Variants in ATG7 observed in about 807,000 individuals in gnomAD.
ATG7 encodes ubiquitin-like modifier-activating enzyme ATG7.
A neutral mutation model predicts 82.4 loss-of-function variants in ATG7; 70 were observed. That is an observed-to-expected ratio of 0.85 (90% confidence interval 0.70 to 1.04). The LOEUF (loss-of-function observed/expected upper bound fraction) is 1.04, where lower values mean the gene tolerates loss of function less well. Among genes scored for constraint, ATG7 ranks in the 50% least tolerant of loss-of-function variants. The pLI, the probability that ATG7 is intolerant of heterozygous loss-of-function variation, is 0.00. For missense variants in ATG7, 792 were observed against 864.3 expected (o/e 0.92, Z 1.05); for synonymous variants, 287 against 313.0 (o/e 0.92, Z 0.88).
At chr3:11,573,237 AAGAAATAG>A in the ATG7 span, among the ~76,000 whole-genome samples, 106 of 109,534 alleles carry the variant, frequency 9.7e-4, 8 homozygotes, top group Admixed American at 7.0e-3. Flanking sequence ...ACAGAAAGAA[AAGAAATAG>A]AGAAAGAAAG....
At chr3:11,417,797 ATTATTTTATTTTATT>A in intron 19 of ATG7, among the ~76,000 whole-genome samples, 1 of 43,132 alleles carries the variant, frequency 2.3e-5, no homozygotes, top group Non-Finnish European at 4.8e-5. Context: ...TATTATTATT[ATTATTTTATTTTATT>A]TTATTTTTTT....
At chr3:11,513,389 C>T (rs547150951) in intron 20 of ATG7, among the ~76,000 whole-genome samples, 11 of 152,324 alleles carry the variant, frequency 7.2e-5, no homozygotes, top group East Asian at 3.9e-4. Flanking sequence ...CCCTGCCCCG[C>T]GGGGAGGCAG....
chr3:11,326,950 GA>G (rs1950969220), intron 9 of ATG7, among the ~76,000 whole-genome samples: 1 of 152,218 alleles, frequency 6.6e-6, no homozygotes, highest in Non-Finnish European at 1.5e-5. Flanking sequence ...AGGAAAGAAG[GA>G]AGGAAAAGGA....
At chr3:11,564,958 C>T in the ATG7 span, 1 of 1,559,680 alleles carries the variant, frequency 6.4e-7, no homozygotes, top group Non-Finnish European at 8.7e-7. Context: ...ACAGCGCGCT[C>T]GATGGGGCTG....
intron 20 of ATG7, among the ~76,000 whole-genome samples, chr3:11,519,954 AT>A (rs1212913810): frequency 6.6e-6 from 1 of 151,972 alleles, no homozygotes; most frequent in East Asian, 1.9e-4. Context: ...ATAATGACAG[AT>A]TTTTTGGGAT....
chr3:11,372,175 G>T (rs2077044633), intron 18 of ATG7, among the ~76,000 whole-genome samples: 1 of 151,332 alleles, frequency 6.6e-6, no homozygotes, highest in South Asian at 2.1e-4. Flanking sequence ...GGGCCTGGGG[G>T]TGATGAGTGG....
intron 20 of ATG7, among the ~76,000 whole-genome samples, chr3:11,477,730 A>T (rs1672645931): frequency 6.6e-6 from 1 of 152,214 alleles, no homozygotes; most frequent in South Asian, 2.1e-4. Context: ...TACTCATAGG[A>T]TTACAGGAAG....
chr3:11,555,021 C>G lies in ATG7; in HGVS notation c.*178C>G, dbSNP rs2072269548. The G allele has an allele frequency of 1.4e-6, 1 of 707,082 alleles. No individual in the cohort carries two copies. The highest frequency in any genetic ancestry group is 1.8e-5 in the African/African-American group (1 of 55,102). 43.8% of individuals were successfully genotyped at this position (707,082 alleles called of 1,614,324 possible). A position where few individuals can be genotyped will look rare whatever the true frequency, so the allele number is the denominator to read the frequency against. ...CCAGTGTTCGGCGTTGCTCGGGATT[C>G]AAGATACCACCAGTTCAGAGCTAAA... is the stretch of plus-strand genomic sequence containing the variant. On this transcript the variant is annotated 3_prime_UTR_variant, in exon 21 of 21. Coordinates refer to ENST00000693202, the MANE Select transcript of ATG7 (RefSeq NM_001349232.2).
chr3:11,401,469 A>G (rs71316478), intron 19 of ATG7, among the ~76,000 whole-genome samples: 1,953 of 152,326 alleles, frequency 0.013, 19 homozygotes, highest in Non-Finnish European at 0.021. Flanking sequence ...TGAGATTCGT[A>G]TATAACAGCA....
At chr3:11,313,522 C>T (rs1219359712) in intron 8 of ATG7, 102 bp downstream of exon 8, 14 of 762,010 alleles carry the variant, frequency 1.8e-5, no homozygotes, top group Admixed American at 2.9e-5. Flanking sequence ...TGGATGAAGA[C>T]GTGGTAACTG....
chr3:11,343,542 T>C (rs1954001367), intron 13 of ATG7, among the ~76,000 whole-genome samples: 1 of 152,174 alleles, frequency 6.6e-6, no homozygotes, highest in Non-Finnish European at 1.5e-5. Flanking sequence ...ATCTAAGGTG[T>C]CTTTAGCCAT....
intron 20 of ATG7, among the ~76,000 whole-genome samples, chr3:11,516,199 A>C (rs1559786820): frequency 6.6e-6 from 1 of 152,172 alleles, no homozygotes; most frequent in Non-Finnish European, 1.5e-5. Flanking sequence ...ACACATGAAA[A>C]GATGTTCCAA....
intron 19 of ATG7, among the ~76,000 whole-genome samples, chr3:11,419,418 G>A (rs1439684969): frequency 6.6e-6 from 1 of 152,166 alleles, no homozygotes; most frequent in Non-Finnish European, 1.5e-5. Flanking sequence ...GCCAGGAATG[G>A]TGGTGTGCGC....
At chr3:11,538,080 T>G (rs996064507) in intron 20 of ATG7, among the ~76,000 whole-genome samples, 2 of 149,634 alleles carry the variant, frequency 1.3e-5, no homozygotes, top group Admixed American at 1.3e-4. Flanking sequence ...CTAGGAGATA[T>G]GTGGACCCCA....
chr3:11,527,067 G>GTATATATA (rs1157835767), intron 20 of ATG7, among the ~76,000 whole-genome samples: 3 of 95,292 alleles, frequency 3.1e-5, no homozygotes, highest in East Asian at 3.1e-4. Context: ...GTGTGTGTGT[G>GTATATATA]TGTGTATATA....
Position 11,554,846 on chromosome 3 carries a change from T to C in ATG7, c.*3T>C. 2.5e-6 allele frequency: 4 copies of C among 1,612,798 alleles called. No homozygotes were observed. Among genetic ancestry groups the C allele is most frequent in the Non-Finnish European group, 3.4e-6 (4 of 1,179,646 alleles). On this transcript the variant is annotated 3_prime_UTR_variant, in exon 21 of 21. Coordinates refer to ENST00000693202, the MANE Select transcript of ATG7 (RefSeq NM_001349232.2). The stretch of plus-strand genomic sequence containing the variant: ...TGAGCGATGATGAGACCATCTGAGA[T>C]GGCCCCGCTGTGGGGCTGACTTCTC...
chr3:11,540,916 G>C (rs1224993050), intron 20 of ATG7, among the ~76,000 whole-genome samples: 1 of 119,880 alleles, frequency 8.3e-6, no homozygotes, highest in African/African-American at 3.4e-5. Context: ...TTGGGGGGGG[G>C]AGGGGGGGAG....
intron 20 of ATG7, among the ~76,000 whole-genome samples, chr3:11,443,223 A>G (rs1294311824): frequency 6.6e-6 from 1 of 152,152 alleles, no homozygotes; most frequent in African/African-American, 2.4e-5. Context: ...TTGTTCAGCA[A>G]TGCCTGTCTA....
chr3:11,307,302 A>C (rs919603610), intron 6 of ATG7, among the ~76,000 whole-genome samples: 2 of 152,226 alleles, frequency 1.3e-5, no homozygotes, highest in Non-Finnish European at 2.9e-5. Flanking sequence ...ATAACATGGC[A>C]GGGCAGAGGT....
Sources: allele counts gnomAD v4.1 joint callset (sites outside exome capture counted in the v4.1 genomes callset), GRCh38; gene constraint gnomAD v4.1.1; transcripts MANE v1.5; gene names NCBI Gene and HGNC (gene_info 2026-07-23, HGNC 2026-07-21).